TBC1D22B: variants seen among roughly 807,000 people sequenced by gnomAD.
TBC1D22B encodes TBC1 domain family member 22B.
In TBC1D22B, 32 loss-of-function variants were observed where a neutral mutation model predicts 69.1. That is an observed-to-expected ratio of 0.46 (90% CI 0.35 to 0.62). The LOEUF is 0.62. Ranked by LOEUF, TBC1D22B falls within the 20% of genes least tolerant of loss-of-function variation. The pLI is 0.00. For synonymous variants in TBC1D22B, 206 were observed against 229.8 expected, an observed-to-expected ratio of 0.90 and a Z score of 0.94; for missense variants, 462 against 630.9, an observed-to-expected ratio of 0.73 and a Z score of 2.87.
At chr6:37,258,164 G>A in intron 1 of TBC1D22B, 191 bp downstream of exon 1, 1 of 621,456 alleles carries the variant, frequency 1.6e-6, no homozygotes, top group South Asian at 2.1e-5. Flanking sequence ...GCTGGATGTG[G>A]GTGTAGACCG....
chr6:37,272,352 A>C (rs1300309655), intron 2 of TBC1D22B, among the ~76,000 whole-genome samples: 5 of 146,964 alleles, frequency 3.4e-5, no homozygotes. Context: ...GGCAAGAGCC[A>C]CTATGTCCAG....
At chr6:37,288,737 G>C (rs1215458777) in intron 7 of TBC1D22B, among the ~76,000 whole-genome samples, 1 of 140,234 alleles carries the variant, frequency 7.1e-6, no homozygotes, top group Non-Finnish European at 1.5e-5. Context: ...GCAAGATCCT[G>C]TCTCAAAAAA....
At chr6:37,267,382 ATAAT>A (rs1400542996) in intron 1 of TBC1D22B, among the ~76,000 whole-genome samples, 2 of 35,086 alleles carry the variant, frequency 5.7e-5, no homozygotes, top group African/African-American at 8.8e-5. Context: ...ACACACATAT[ATAAT>A]ATATATATAC....
intron 8 of TBC1D22B, among the ~76,000 whole-genome samples, chr6:37,296,192 G>A (rs1767361556): frequency 6.6e-6 from 1 of 152,192 alleles, no homozygotes; most frequent in Non-Finnish European, 1.5e-5. Flanking sequence ...AACCCAGGAG[G>A]CAGATGTTGC....
At position 37,277,838 on chromosome 6, in the gene TBC1D22B, A is replaced by G. The variant is rs1766712954; in HGVS notation, c.114-1466A>G. On this transcript the variant is annotated intron_variant, in intron 2 of 12. Transcript: ENST00000373491. ...ATAGAAAACAACATTTGTTATAAAT[A>G]AGAAGAACTTCTGGGCGTGGTGGCT... 3.9e-5 allele frequency among the ~76,000 whole-genome samples: 6 copies of G among 152,108 alleles called. No homozygotes were observed. The South Asian group carries it at 1.2e-3, about 32-fold the overall frequency.
At chr6:37,304,969 C>T (rs1000035975) in intron 8 of TBC1D22B, among the ~76,000 whole-genome samples, 3 of 152,138 alleles carry the variant, frequency 2.0e-5, no homozygotes, top group African/African-American at 7.2e-5. Flanking sequence ...GGTGGTGAGC[C>T]GCCTTCACAC....
chr6:37,258,743 CATCCATCA>C (rs1562034034), intron 1 of TBC1D22B, among the ~76,000 whole-genome samples: 1 of 152,104 alleles, frequency 6.6e-6, no homozygotes, highest in African/African-American at 2.4e-5. Context: ...GCAAATTATC[CATCCATCA>C]ATCTACTGTT....
chr6:37,273,183 CAAAAAAAAA>C (rs58720560), intron 2 of TBC1D22B, among the ~76,000 whole-genome samples: 1 of 77,276 alleles, frequency 1.3e-5, no homozygotes. Context: ...AACCCCGAGG[CAAAAAAAAA>C]AAAAAAAAAA....
At chr6:37,308,085 G>A (rs572717502) in intron 8 of TBC1D22B, among the ~76,000 whole-genome samples, 126 of 152,310 alleles carry the variant, frequency 8.3e-4, no homozygotes, top group African/African-American at 3.0e-3. Context: ...GGCCCAGAGT[G>A]GCCAATTTGA....
chr6:37,258,704 C>T (rs931846380), intron 1 of TBC1D22B, among the ~76,000 whole-genome samples: 22 of 152,116 alleles, frequency 1.4e-4, no homozygotes, highest in African/African-American at 4.8e-4. Context: ...CTACCCCCAC[C>T]CTCTTTTCGG....
intron 1 of TBC1D22B, among the ~76,000 whole-genome samples, chr6:37,267,526 CTA>C (rs1562039870): frequency 2.5e-4 from 14 of 56,604 alleles, no homozygotes; most frequent in South Asian, 1.3e-3. Context: ...TATATATACA[CTA>C]TATATATAAT....
At chr6:37,312,853 AATCT>A (rs1435690739) in intron 8 of TBC1D22B, 61 bp from the exon 9 acceptor site, 17 of 1,380,436 alleles carry the variant, frequency 1.2e-5, no homozygotes, top group Non-Finnish European at 1.6e-5. Context: ...AAGACACTCG[AATCT>A]ATCTTTCTCT....
At chr6:37,264,677 A>G (rs1766216006) in intron 1 of TBC1D22B, among the ~76,000 whole-genome samples, 1 of 152,196 alleles carries the variant, frequency 6.6e-6, no homozygotes, top group Non-Finnish European at 1.5e-5. Flanking sequence ...TATGTTAGGG[A>G]ACTAGAGAAG....
chr6:37,323,515 T>C (rs1768309674), intron 12 of TBC1D22B, among the ~76,000 whole-genome samples: 1 of 151,850 alleles, frequency 6.6e-6, no homozygotes, highest in South Asian at 2.1e-4. Context: ...AATGAGTGAG[T>C]GAGTGAGTGA....
intron 9 of TBC1D22B, among the ~76,000 whole-genome samples, chr6:37,313,244 C>T (rs1350933777): frequency 1.3e-5 from 2 of 152,200 alleles, no homozygotes; most frequent in Admixed American, 6.5e-5. Flanking sequence ...AATCCCAACA[C>T]TTTGGGAGGC....
At chr6:37,263,089 T>C (rs1766162113) in intron 1 of TBC1D22B, among the ~76,000 whole-genome samples, 1 of 152,218 alleles carries the variant, frequency 6.6e-6, no homozygotes, top group African/African-American at 2.4e-5. Context: ...GGCCTAGGTT[T>C]TGTAGAGATC....
intron 10 of TBC1D22B, among the ~76,000 whole-genome samples, chr6:37,315,582 T>A (rs1012071276): frequency 6.6e-6 from 1 of 151,346 alleles, no homozygotes; most frequent in African/African-American, 2.4e-5. Context: ...TCCCCAGAAA[T>A]AACTTGTTTT....
At chr6:37,322,257 G>T (rs1317941198) in intron 12 of TBC1D22B, among the ~76,000 whole-genome samples, 2 of 152,170 alleles carry the variant, frequency 1.3e-5, no homozygotes, top group African/African-American at 2.4e-5. Flanking sequence ...GAATTAAGAG[G>T]CCAGGCACGG....
chr6:37,310,684 T>C (rs556411545), intron 8 of TBC1D22B, among the ~76,000 whole-genome samples: 1 of 152,250 alleles, frequency 6.6e-6, no homozygotes, highest in East Asian at 1.9e-4. Flanking sequence ...AAAAATAAAA[T>C]GTGATTTCTC....
Sources: allele counts gnomAD v4.1 joint callset (sites outside exome capture counted in the v4.1 genomes callset), GRCh38; gene constraint gnomAD v4.1.1; transcripts MANE v1.5; gene names NCBI Gene and HGNC (gene_info 2026-07-23, HGNC 2026-07-21).